The following RANBP17 variants were observed in gnomAD, a reference collection of about 807,000 sequenced individuals.
The protein encoded by RANBP17 is RAN binding protein 17.
RANBP17 carries 158 observed loss-of-function variants against 141.2 expected under a neutral mutation model. That is an observed-to-expected ratio of 1.12 (90% confidence interval 0.98 to 1.28). RANBP17 has a LOEUF of 1.28. Ranked by LOEUF, RANBP17 falls within the 50% of genes most tolerant of loss-of-function variation. RANBP17 has a pLI of 0.00. For synonymous variants in RANBP17, 430 were observed against 450.0 expected (o/e 0.96, Z 0.56); for missense variants, 1,438 against 1,290.7 (o/e 1.11, Z -1.75).
intron 24 of RANBP17, among the ~76,000 whole-genome samples, chr5:171,251,025 T>G (rs901873290): frequency 2.0e-5 from 3 of 152,202 alleles, no homozygotes; most frequent in African/African-American, 7.2e-5. Flanking sequence ...GAATATACAT[T>G]CTTTTCATCG....
chr5:171,298,647 G>A (rs895036330), intron 27 of RANBP17, 115 bp from the exon 28 acceptor site: 54 of 659,554 alleles, frequency 8.2e-5, no homozygotes, highest in Non-Finnish European at 1.2e-4. Context: ...ATCTAGAGCC[G>A]TCCTCCAGGA....
intron 25 of RANBP17, among the ~76,000 whole-genome samples, chr5:171,288,439 G>A (rs193102312): frequency 6.6e-6 from 1 of 152,314 alleles, no homozygotes; most frequent in Non-Finnish European, 1.5e-5. Flanking sequence ...AAAGTAGGTC[G>A]TACAGCCTCA....
In RANBP17 at chr5:170,924,472, T is replaced by G. The variant is rs200098530; in HGVS notation, c.1390T>G (p.Phe464Val). ...GACATGTGCTCTTCTTGTGCAGTTA[T>G]TCGACCAAAATGCACAGAATTACCA... ...EKTCALLVQLFDQNAQNYQKL... is the reference protein window; with the variant it reads ...EKTCALLVQLVDQNAQNYQKL... Residue 464 changes from phenylalanine (F) to valine (V), a missense_variant, in exon 12 of 28, where the codon TTC becomes GTC. Coordinates refer to ENST00000523189, the MANE Select transcript of RANBP17 (RefSeq NM_022897.5). The G allele has an allele frequency of 2.5e-6, 4 of 1,613,432 alleles. No homozygotes were observed. The Admixed American group carries it at 6.7e-5, about 27-fold the overall frequency.
intron 1 of RANBP17, among the ~76,000 whole-genome samples, chr5:170,873,474 T>C (rs1264673034): frequency 1.3e-5 from 2 of 152,188 alleles, no homozygotes; most frequent in Non-Finnish European, 2.9e-5. Context: ...ATCTGTCTGA[T>C]CTTGGACTTT....
In RANBP17 at chr5:171,251,762, C is replaced by T. The variant is rs1319704187; in HGVS notation, c.2776+8942C>T. On this transcript the variant is annotated intron_variant, in intron 24 of 27. Transcript: ENST00000523189. ...GAGCAGGTGGCCCCGTTCCCCTCCT[C>T]CCGCGCCCGCCCCCGCCTCTGTGAT... 6.4e-6 allele frequency: 6 copies of T among 938,316 alleles called. No individual in the cohort carries two copies. The Admixed American group carries it at 1.1e-4, about 18-fold the overall frequency. 58.1% of individuals were successfully genotyped at this position (938,316 alleles called of 1,614,324 possible). A position where few individuals can be genotyped will look rare whatever the true frequency, so the allele number is the denominator to read the frequency against.
At chr5:170,954,695 T>C (rs1055316811) in intron 13 of RANBP17, among the ~76,000 whole-genome samples, 1 of 152,296 alleles carries the variant, frequency 6.6e-6, no homozygotes, top group African/African-American at 2.4e-5. Context: ...TAAATTACTT[T>C]TAGATATACT....
At chr5:171,113,412 T>C (rs947404194) in intron 14 of RANBP17, among the ~76,000 whole-genome samples, 4 of 152,198 alleles carry the variant, frequency 2.6e-5, no homozygotes, top group African/African-American at 9.6e-5. Context: ...TAGTACCTCC[T>C]ATGTTCCAGA....
In RANBP17 at chr5:171,242,732, T is replaced by C. The variant is rs1037671155; in HGVS notation, c.2688T>C (p.Thr896=). The change falls in exon 24 of 28, where the codon ACT becomes ACC. Residue 896 remains threonine (T), a synonymous_variant. Coordinates refer to ENST00000523189, the MANE Select transcript of RANBP17 (RefSeq NM_022897.5). ...ATTATCCACTCCTGGAATGTCTCAC[T>C]CAGGACCATATGAGCTTCATCATCA... ...QSYYPLLECL[T]QDHMSFIINL... The C allele has an allele frequency of 3.7e-6, 6 of 1,613,670 alleles. No homozygotes were observed. The highest frequency in any genetic ancestry group is 4.2e-6 in the Non-Finnish European group (5 of 1,179,726).
At position 170,914,577 on chromosome 5, in the gene RANBP17, T is replaced by C. The variant is rs1308806274; in HGVS notation, c.834+337T>C. Among the ~76,000 whole-genome samples, 7 of 152,192 alleles carry C rather than the reference T, an allele frequency of 4.6e-5. No individual in the cohort carries two copies. The South Asian group carries it at 1.2e-3, about 27-fold the overall frequency. On this transcript the variant is annotated intron_variant, in intron 8 of 27. Coordinates refer to ENST00000523189, the MANE Select transcript of RANBP17 (RefSeq NM_022897.5). ...GCAGCTGACCACCACACAAGGACTTTCCCTTCTACTACCCTTCTCTAACTC... is the reference window on the plus strand; with the variant it reads ...GCAGCTGACCACCACACAAGGACTTCCCCTTCTACTACCCTTCTCTAACTC...
chr5:170,960,513 T>G (rs1776054925), intron 13 of RANBP17, among the ~76,000 whole-genome samples: 1 of 152,140 alleles, frequency 6.6e-6, no homozygotes, highest in African/African-American at 2.4e-5. Flanking sequence ...TATCCTTAAC[T>G]TTTTCCCTTT....
intron 9 of RANBP17, chr5:170,918,466 T>A (rs1435772195): frequency 1.3e-5 from 4 of 300,030 alleles, no homozygotes; most frequent in Non-Finnish European, 2.5e-5. Context: ...AAAATTATAA[T>A]TTAGTCATTG....
At chr5:170,871,296 CTCTGCCTCCCAAAGT>C (rs60945982) in intron 1 of RANBP17, among the ~76,000 whole-genome samples, 91,000 of 151,780 alleles carry the variant, frequency 0.6, 29,032 homozygotes, top group South Asian at 0.88. Context: ...ATCCGCCTGC[CTCTGCCTCCCAAAGT>C]TCTGGGATTA....
chr5:171,177,692 A>G (rs2127904286), intron 16 of RANBP17, among the ~76,000 whole-genome samples: 1 of 152,324 alleles, frequency 6.6e-6, no homozygotes, highest in East Asian at 1.9e-4. Context: ...CTTTAATACT[A>G]AATGTTAATT....
intron 14 of RANBP17, among the ~76,000 whole-genome samples, chr5:171,140,850 A>G (rs2127808836): frequency 6.6e-6 from 1 of 152,338 alleles, no homozygotes; most frequent in Admixed American, 6.5e-5. Context: ...TGTGAAGGGT[A>G]GATCCATGTG....
chr5:171,187,425 A>G lies in RANBP17; in HGVS notation c.2038+3995A>G, dbSNP rs1443678760. Among the ~76,000 whole-genome samples, 7 of 152,232 alleles carry G rather than the reference A, an allele frequency of 4.6e-5. No homozygotes were observed. The South Asian group carries it at 8.3e-4, about 18-fold the overall frequency. On this transcript the variant is annotated intron_variant, in intron 18 of 27. Transcript: ENST00000523189. ...TAGAATTGTTCGACTCAGGTTTGCC[A>G]CAAATCTTTAATTTGTTTAAAAAAA...
chr5:171,247,068 C>T (rs968987619), intron 24 of RANBP17, among the ~76,000 whole-genome samples: 1 of 152,132 alleles, frequency 6.6e-6, no homozygotes, highest in African/African-American at 2.4e-5. Context: ...TTTCATTATA[C>T]AGATGAGGTA....
chr5:171,110,683 C>A (rs1365525408), intron 14 of RANBP17, among the ~76,000 whole-genome samples: 1 of 151,868 alleles, frequency 6.6e-6, no homozygotes, highest in Non-Finnish European at 1.5e-5. Flanking sequence ...AAGAACAGGG[C>A]CAAAAGGTTA....
intron 22 of RANBP17, among the ~76,000 whole-genome samples, chr5:171,227,120 G>T (rs1325827401): frequency 6.6e-6 from 1 of 152,188 alleles, no homozygotes; most frequent in Non-Finnish European, 1.5e-5. Context: ...GAAAGTAAGA[G>T]TTGTACATGT....
At chr5:171,037,951 C>T (rs1311115252) in intron 14 of RANBP17, among the ~76,000 whole-genome samples, 1 of 151,654 alleles carries the variant, frequency 6.6e-6, no homozygotes, top group Non-Finnish European at 1.5e-5. Flanking sequence ...TTTTTTACTT[C>T]TGTGAAAAAA....
Sources: allele counts gnomAD v4.1 joint callset (sites outside exome capture counted in the v4.1 genomes callset), GRCh38; gene constraint gnomAD v4.1.1; transcripts MANE v1.5; gene names NCBI Gene and HGNC (gene_info 2026-07-23, HGNC 2026-07-21).